Variants in ZNF285 observed in about 807,000 individuals in gnomAD.
ZNF285 encodes the protein zinc finger protein 285A.
In ZNF285, 4 loss-of-function variants were observed where a neutral mutation model predicts 6.2. That is an observed-to-expected ratio of 0.65 (90% confidence interval 0.32 to 1.49). The LOEUF is 1.49. Ranked by LOEUF, ZNF285 falls within the 40% of genes most tolerant of loss-of-function variation. ZNF285 has a pLI of 0.07. For missense variants in ZNF285, 695 were observed against 708.8 expected (o/e 0.98, Z 0.22); for synonymous variants, 240 against 245.8 (o/e 0.98, Z 0.22).
chr19:44,390,735 G>T (rs143611616), intron 3 of ZNF285, among the ~76,000 whole-genome samples: 1 of 152,038 alleles, frequency 6.6e-6, no homozygotes, highest in South Asian at 2.1e-4. Flanking sequence ...ATCTTGAATT[G>T]TAACTCCCAA....
At chr19:44,398,464 A>G (rs1350389311) in intron 1 of ZNF285, among the ~76,000 whole-genome samples, 5 of 152,110 alleles carry the variant, frequency 3.3e-5, no homozygotes, top group African/African-American at 4.8e-5. Flanking sequence ...TGGAATGGCT[A>G]TATTCCATAT....
intron 2 of ZNF285, among the ~76,000 whole-genome samples, chr19:44,393,139 T>A (rs933822992): frequency 6.6e-6 from 1 of 152,132 alleles, no homozygotes; most frequent in African/African-American, 2.4e-5. Flanking sequence ...AATGCTCTTA[T>A]TCTTAGGAGA....
intron 3 of ZNF285, among the ~76,000 whole-genome samples, chr19:44,388,919 T>G: frequency 7.3e-6 from 1 of 136,900 alleles, no homozygotes; most frequent in East Asian, 2.1e-4. Context: ...TGATGAGCCT[T>G]AAGGGGATGG....
intron 3 of ZNF285, among the ~76,000 whole-genome samples, chr19:44,390,851 T>C (rs1971181355): frequency 6.6e-6 from 1 of 151,990 alleles, no homozygotes; most frequent in Admixed American, 6.6e-5. Flanking sequence ...TGAGATCTGA[T>C]GGTTTTAAAA....
At chr19:44,389,670 C>T (rs62116777) in intron 3 of ZNF285, among the ~76,000 whole-genome samples, 45,080 of 151,814 alleles carry the variant, frequency 0.3, 12,018 homozygotes, top group African/African-American at 0.7. Flanking sequence ...TTAGGGTACA[C>T]GTGCACAATG....
chr19:44,399,768 G>A (rs1006954842), intron 1 of ZNF285, among the ~76,000 whole-genome samples: 13 of 151,812 alleles, frequency 8.6e-5, no homozygotes, highest in African/African-American at 2.7e-4. Flanking sequence ...ATAAACAGAC[G>A]GCTTACAATG....
intron 2 of ZNF285, among the ~76,000 whole-genome samples, chr19:44,394,217 T>C (rs11881044): frequency 0.33 from 49,580 of 151,294 alleles, 11,493 homozygotes; most frequent in East Asian, 0.75. Flanking sequence ...ACAATGAGAA[T>C]ACATGGACAC....
Position 44,387,077 on chromosome 19 carries a change from G to A in ZNF285, c.1168C>T (p.His390Tyr), listed in dbSNP as rs1971095445. ...GFDQSSNLLVHQRVHTGEKPY... is the reference protein window; with the variant it reads ...GFDQSSNLLVYQRVHTGEKPY... ...TTCTCTCCAGTGTGGACTCTCTGAT[G>A]GACAAGAAGGTTGGAGCTCTGATCA... Residue 390 changes from histidine (H) to tyrosine (Y), a missense_variant, in exon 4 of 4, where the codon CAT becomes TAT. By Grantham distance (83) the His-to-Tyr change is moderately conservative. Transcript: ENST00000614994. 1.9e-6 allele frequency: 3 copies of A among 1,613,988 alleles called. No homozygotes were observed. The highest frequency in any genetic ancestry group is 2.5e-6 in the Non-Finnish European group (3 of 1,180,016).
At chr19:44,391,286 TA>T (rs1378811738) in intron 3 of ZNF285, among the ~76,000 whole-genome samples, 1 of 152,086 alleles carries the variant, frequency 6.6e-6, no homozygotes, top group African/African-American at 2.4e-5. Flanking sequence ...AGTACACGTC[TA>T]TCTTTTGTAA....
Position 44,386,722 on chromosome 19 carries a change from C to T in ZNF285, c.1523G>A (p.Arg508Lys). ...CTCATCACATTTATATGGTTTCTCTCTGATGTGATCTCTTTGATGTAAGTG... is the reference window on the plus strand; with the variant it reads ...CTCATCACATTTATATGGTTTCTCTTTGATGTGATCTCTTTGATGTAAGTG... ...YFHLHQRDHI[R>K]EKPYKCDECG... The change falls in exon 4 of 4, where the codon AGA becomes AAA. Residue 508 changes from arginine (R) to lysine (K), a missense_variant. By Grantham distance (26) the Arg-to-Lys change is conservative (BLOSUM62 2). Coordinates refer to ENST00000614994, the MANE Select transcript of ZNF285 (RefSeq NM_152354.6). 6.2e-7 allele frequency: 1 copy of T among 1,614,196 alleles called. No homozygotes were observed. The highest frequency in any genetic ancestry group is 8.5e-7 in the Non-Finnish European group (1 of 1,180,026).
rs1599951544 is a variant in ZNF285 at position 44,384,908 on chromosome 19, G to A, written c.*1564C>T. Reference sequence around the variant, plus strand: ...AGCTACTCAGGAGGCTGAGGCAGGAGGATCACTGAAGCCAGGAGTTCAAGG... The same window carrying A: ...AGCTACTCAGGAGGCTGAGGCAGGAAGATCACTGAAGCCAGGAGTTCAAGG... On this transcript the variant is annotated 3_prime_UTR_variant, in exon 4 of 4. Coordinates refer to ENST00000614994, the MANE Select transcript of ZNF285 (RefSeq NM_152354.6). The A allele has an allele frequency of 6.7e-6, 1 of 149,684 alleles. No homozygotes were observed. Among genetic ancestry groups the A allele is most frequent in the African/African-American group, 2.5e-5 (1 of 40,200 alleles). 9.3% of individuals were successfully genotyped at this position (149,684 alleles called of 1,614,324 possible).
At chr19:44,389,991 C>G (rs1273041264) in intron 3 of ZNF285, among the ~76,000 whole-genome samples, 2 of 152,156 alleles carry the variant, frequency 1.3e-5, no homozygotes, top group African/African-American at 4.8e-5. Flanking sequence ...TTCTGTGACT[C>G]AGTTGTTTCA....
At chr19:44,390,877 T>C (rs1055348959) in intron 3 of ZNF285, among the ~76,000 whole-genome samples, 2 of 151,964 alleles carry the variant, frequency 1.3e-5, no homozygotes, top group African/African-American at 2.4e-5. Context: ...AGTTTCCAGC[T>C]GGGCACGGTG....
In ZNF285 at chr19:44,399,800, A is replaced by G. The variant is rs564871014; in HGVS notation, c.-44+1768T>C. Among the ~76,000 whole-genome samples the G allele has an allele frequency of 5.3e-5, 8 of 152,096 alleles. No homozygotes were observed. The East Asian group carries it at 7.8e-4, about 15-fold the overall frequency. Reference sequence around the variant, plus strand: ...AATGGTGTTGGCTCGGGGTAAGGAAATCACAATGGATAAGGCTCTATCCTG... The same window carrying G: ...AATGGTGTTGGCTCGGGGTAAGGAAGTCACAATGGATAAGGCTCTATCCTG... On this transcript the variant is annotated intron_variant, in intron 1 of 3. Coordinates refer to ENST00000614994, the MANE Select transcript of ZNF285 (RefSeq NM_152354.6).
chr19:44,389,895 T>C (rs1393675991), intron 3 of ZNF285, among the ~76,000 whole-genome samples: 1 of 152,188 alleles, frequency 6.6e-6, no homozygotes, highest in Non-Finnish European at 1.5e-5. Flanking sequence ...AGGTTATTTA[T>C]TAAAAACACA....
intron 3 of ZNF285, among the ~76,000 whole-genome samples, chr19:44,388,380 C>G (rs374331786): frequency 0.038 from 5,714 of 149,878 alleles, 365 homozygotes; most frequent in African/African-American, 0.13. Context: ...AGGAGATCAA[C>G]ACCAGGCTGG....
rs1418471683 is a variant in ZNF285 at position 44,388,096 on chromosome 19, C to G, written c.149G>C (p.Gly50Ala). 1.1e-5 allele frequency: 18 copies of G among 1,611,500 alleles called. No individual in the cohort carries two copies. The highest frequency in any genetic ancestry group is 1.7e-5 in the Admixed American group (1 of 59,786). ...AAGATTCAAAATGTTGTTTTTAATC[C>G]CGTCTCCTAGGAGAAGAAAGAGAAT... Reference protein sequence around the residue: ...NFRNLMLVRDGIKNNILNLQA... With the variant: ...NFRNLMLVRDAIKNNILNLQA... The change falls in exon 4 of 4, where the codon GGG becomes GCG. Residue 50 changes from glycine (G) to alanine (A), a missense_variant. Gly to Ala is a moderately conservative substitution (Grantham distance 60, BLOSUM62 0). Transcript: ENST00000614994.
intron 3 of ZNF285, among the ~76,000 whole-genome samples, chr19:44,389,731 A>G (rs1971161914): frequency 6.6e-6 from 1 of 152,172 alleles, no homozygotes; most frequent in Non-Finnish European, 1.5e-5. Context: ...TGCTGCACCC[A>G]CTAACACGTC....
intron 3 of ZNF285, 167 bp downstream of exon 3, chr19:44,392,173 T>G: frequency 6.8e-7 from 1 of 1,477,328 alleles, no homozygotes; most frequent in South Asian, 1.4e-5. Context: ...AGGGGCCAGA[T>G]CTGTAAAAGC....
Sources: allele counts gnomAD v4.1 joint callset (sites outside exome capture counted in the v4.1 genomes callset), GRCh38; gene constraint gnomAD v4.1.1; transcripts MANE v1.5; gene names NCBI Gene and HGNC (gene_info 2026-07-23, HGNC 2026-07-21).